The following MIS18A variants were observed in gnomAD, a reference collection of about 807,000 sequenced individuals.
MIS18A encodes MIS18 kinetochore protein A, also known as protein Mis18-alpha.
In MIS18A, 14 loss-of-function variants were observed where a neutral mutation model predicts 25.0. The ratio of observed to expected loss-of-function variants is 0.56; its 90% CI spans 0.37 to 0.88. The LOEUF is 0.88. MIS18A is among the 40% of genes least tolerant of loss of function. MIS18A has a pLI of 0.00. For synonymous variants in MIS18A, 134 were observed against 118.6 expected, an observed-to-expected ratio of 1.13 and a Z score of -0.84; for missense variants, 292 against 290.8, an observed-to-expected ratio of 1.00 and a Z score of -0.03.
At chr21:32,163,049 T>A in the MIS18A span, among the ~76,000 whole-genome samples, 3 of 152,328 alleles carry the variant, frequency 2.0e-5, no homozygotes, top group East Asian at 5.8e-4. Context: ...CATCATAAAC[T>A]ACCTTAAGGC....
chr21:32,211,619 T>G, the MIS18A span, among the ~76,000 whole-genome samples: 2 of 151,918 alleles, frequency 1.3e-5, no homozygotes, highest in Non-Finnish European at 1.5e-5. Flanking sequence ...CTGAGAGAAA[T>G]CCTAGGCATG....
At chr21:32,192,576 A>G in the MIS18A span, among the ~76,000 whole-genome samples, 91,164 of 152,026 alleles carry the variant, frequency 0.6, 29,197 homozygotes, top group African/African-American at 0.84. Context: ...ACAGTCTCAC[A>G]TGGTCTCTCG....
the MIS18A span, among the ~76,000 whole-genome samples, chr21:32,207,065 C>T: frequency 6.6e-6 from 1 of 152,204 alleles, no homozygotes; most frequent in Non-Finnish European, 1.5e-5. Flanking sequence ...TTGATGAAGT[C>T]TAAATTCCAC....
At chr21:32,168,775 A>G in the MIS18A span, among the ~76,000 whole-genome samples, 1 of 152,238 alleles carries the variant, frequency 6.6e-6, no homozygotes, top group Admixed American at 6.5e-5. Flanking sequence ...GAAAAACACT[A>G]AAACACAATC....
the MIS18A span, among the ~76,000 whole-genome samples, chr21:32,198,655 G>A: frequency 6.6e-6 from 1 of 152,252 alleles, no homozygotes; most frequent in Non-Finnish European, 1.5e-5. Context: ...TCCCTGAGGA[G>A]GCCCTGGCTG....
At chr21:32,200,681 G>A in the MIS18A span, among the ~76,000 whole-genome samples, 8 of 151,916 alleles carry the variant, frequency 5.3e-5, no homozygotes, top group South Asian at 4.2e-4. Flanking sequence ...CTCGTGATTC[G>A]CCTGCCTTGG....
chr21:32,187,998 T>A, the MIS18A span, among the ~76,000 whole-genome samples: 1 of 125,700 alleles, frequency 8.0e-6, no homozygotes, highest in Non-Finnish European at 1.6e-5. Context: ...AAGAGCTCCC[T>A]TTCTGTCTCT....
the MIS18A span, among the ~76,000 whole-genome samples, chr21:32,188,105 C>T: frequency 4.6e-5 from 7 of 152,124 alleles, no homozygotes; most frequent in Non-Finnish European, 8.8e-5. Flanking sequence ...TCACCAGGAA[C>T]GAACCATTCT....
the MIS18A span, among the ~76,000 whole-genome samples, chr21:32,245,943 C>T: frequency 7.9e-5 from 12 of 152,090 alleles, no homozygotes; most frequent in African/African-American, 2.9e-4. Context: ...GTACAGGAAA[C>T]GTGATGCTGG....
the MIS18A span, among the ~76,000 whole-genome samples, chr21:32,164,197 A>G: frequency 6.6e-6 from 1 of 152,142 alleles, no homozygotes; most frequent in Non-Finnish European, 1.5e-5. Flanking sequence ...CGAGCAAACC[A>G]TATCCAAACC....
At chr21:32,190,546 A>AT in the MIS18A span, among the ~76,000 whole-genome samples, 1 of 152,124 alleles carries the variant, frequency 6.6e-6, no homozygotes, top group African/African-American at 2.4e-5. Flanking sequence ...ATAAGAACAC[A>AT]TTTTTTAAAA....
At chr21:32,266,157 G>T (rs534746340), downstream of MIS18A, among the ~76,000 whole-genome samples, 3 of 152,290 alleles carry the variant, frequency 2.0e-5, no homozygotes, top group East Asian at 3.9e-4. Context: ...TTTAGCTCAA[G>T]GTTTGTGAAT....
At chr21:32,276,460 CAAAAAAAAAAAA>C (rs558102501) in intron 1 of MIS18A, among the ~76,000 whole-genome samples, 5 of 72,732 alleles carry the variant, frequency 6.9e-5, no homozygotes, top group South Asian at 9.5e-4. Context: ...GACTCTGTCT[CAAAAAAAAAAAA>C]AAAAAAAAAA....
At chr21:32,209,188 A>C in the MIS18A span, among the ~76,000 whole-genome samples, 1 of 152,258 alleles carries the variant, frequency 6.6e-6, no homozygotes, top group African/African-American at 2.4e-5. Flanking sequence ...GCATGTTAAA[A>C]CTGGATACAT....
At chr21:32,206,683 G>A in the MIS18A span, among the ~76,000 whole-genome samples, 4 of 152,138 alleles carry the variant, frequency 2.6e-5, no homozygotes, top group Admixed American at 6.5e-5. Context: ...TGAGAGAGCC[G>A]CAGCTTCATC....
chr21:32,156,371 C>G, the MIS18A span: 1 of 151,244 alleles, frequency 6.6e-6, no homozygotes, highest in Admixed American at 6.6e-5. Flanking sequence ...AATGCCCCAT[C>G]AAAATACCTC....
At chr21:32,162,219 C>T in the MIS18A span, among the ~76,000 whole-genome samples, 1 of 152,154 alleles carries the variant, frequency 6.6e-6, no homozygotes, top group Non-Finnish European at 1.5e-5. Flanking sequence ...AGTGATTCTT[C>T]CCGCCTCAAA....
At chr21:32,239,056 C>T in the MIS18A span, among the ~76,000 whole-genome samples, 4 of 152,102 alleles carry the variant, frequency 2.6e-5, no homozygotes, top group Admixed American at 1.3e-4. Context: ...TATATGTGTA[C>T]TGGGAAAAAA....
chr21:32,189,564 C>T, the MIS18A span, among the ~76,000 whole-genome samples: 1 of 152,222 alleles, frequency 6.6e-6, no homozygotes, highest in African/African-American at 2.4e-5. Context: ...CAGGCGTGAG[C>T]CACCACTCCC....
Sources: gnomAD v4.1 joint callset for allele counts (sites outside exome capture counted in the v4.1 genomes callset) on GRCh38, gnomAD v4.1.1 for gene constraint, MANE v1.5 for transcripts, NCBI Gene and HGNC (gene_info 2026-07-23, HGNC 2026-07-21) for gene names.